The following GABRG1 variants were observed in gnomAD, a reference collection of about 807,000 sequenced individuals.
GABRG1 encodes the protein gamma-aminobutyric acid type A receptor subunit gamma1, also known as gamma-aminobutyric acid receptor subunit gamma-1.
A neutral mutation model predicts 49.8 loss-of-function variants in GABRG1; 49 were observed. The observed-to-expected ratio is 0.98, with a 90% CI of 0.78 to 1.25. The LOEUF (loss-of-function observed/expected upper bound fraction) is 1.25. Among genes scored for constraint, GABRG1 ranks in the 50% most tolerant of loss-of-function variants. The probability of loss-of-function intolerance (pLI) is 0.00; values close to 1 mark genes in which losing one functional copy is unlikely to be tolerated. For missense variants in GABRG1, 552 were observed against 552.3 expected, an observed-to-expected ratio of 1.00 and a Z score of 0.01; for synonymous variants, 232 against 185.1, an observed-to-expected ratio of 1.25 and a Z score of -2.06.
Position 46,106,431 on chromosome 4 carries a change from T to C in GABRG1, c.105-9082A>G, listed in dbSNP as rs572277991. Among the ~76,000 whole-genome samples the C allele has an allele frequency of 9.6e-4, 146 of 151,460 alleles. 1 individual carries two copies. The highest frequency in any genetic ancestry group is 2.0e-3 in the Non-Finnish European group (133 of 67,632). ...ATTTTGTAATTTAAAATGAAAAAAA[T>C]CTTATACAACAAAAGACTTTGACAA... On this transcript the variant is annotated intron_variant, in intron 1 of 8. Transcript: ENST00000295452.
At chr4:46,093,032 G>A (rs1337428838) in intron 2 of GABRG1, among the ~76,000 whole-genome samples, 1 of 140,316 alleles carries the variant, frequency 7.1e-6, no homozygotes, top group African/African-American at 2.7e-5. Context: ...TTGCACCATT[G>A]TACTCCAGCC....
chr4:46,097,146 C>T (rs1720190146), intron 2 of GABRG1, 55 bp downstream of exon 2: 2 of 1,381,198 alleles, frequency 1.4e-6, no homozygotes, highest in Non-Finnish European at 2.0e-6. Context: ...AAAATAGTAC[C>T]AGTAATGATA....
chr4:46,077,750 A>G (rs542359534), intron 3 of GABRG1, among the ~76,000 whole-genome samples: 1 of 151,876 alleles, frequency 6.6e-6, no homozygotes, highest in Non-Finnish European at 1.5e-5. Flanking sequence ...CAATGAACCA[A>G]TTGTCACTAT....
At position 46,040,177 on chromosome 4, in the gene GABRG1, T is replaced by C. The variant is rs544950159; in HGVS notation, c.*811A>G. ...TCTCTCTGCATTTAATTTGCATTAATGTGCATTTGCAGATTTTAATATTTC... is the reference window on the plus strand; with the variant it reads ...TCTCTCTGCATTTAATTTGCATTAACGTGCATTTGCAGATTTTAATATTTC... On this transcript the variant is annotated 3_prime_UTR_variant, in exon 9 of 9. Transcript: ENST00000295452. The C allele has an allele frequency of 2.0e-5, 3 of 152,060 alleles. No homozygotes were observed. The highest frequency in any genetic ancestry group is 4.4e-5 in the Non-Finnish European group (3 of 67,890). 9.4% of individuals were successfully genotyped at this position (152,060 alleles called of 1,614,324 possible). A position where few individuals can be genotyped will look rare whatever the true frequency, so the allele number is the denominator to read the frequency against.
intron 1 of GABRG1, among the ~76,000 whole-genome samples, chr4:46,108,862 C>CA (rs779549415): frequency 2.0e-5 from 3 of 150,978 alleles, no homozygotes; most frequent in Non-Finnish European, 4.5e-5. Flanking sequence ...TAAAATTCAT[C>CA]AGGAAGACTC....
chr4:46,116,959 A>C (rs2109444947), intron 1 of GABRG1, among the ~76,000 whole-genome samples: 1 of 150,600 alleles, frequency 6.6e-6, no homozygotes, highest in Admixed American at 6.7e-5. Flanking sequence ...CTGGAAAATT[A>C]ATATTATAAT....
intron 1 of GABRG1, among the ~76,000 whole-genome samples, chr4:46,103,326 C>T (rs371598003): frequency 9.9e-5 from 15 of 151,472 alleles, no homozygotes; most frequent in East Asian, 9.8e-4. Context: ...ATGATAATTG[C>T]TACTTGTACT....
chr4:46,117,576 C>G (rs930784347), intron 1 of GABRG1, among the ~76,000 whole-genome samples: 1 of 141,546 alleles, frequency 7.1e-6, no homozygotes. Flanking sequence ...CTCTCTCTCT[C>G]TCTCTGTCTC....
At chr4:46,112,304 G>T (rs1158210916) in intron 1 of GABRG1, among the ~76,000 whole-genome samples, 1 of 151,118 alleles carries the variant, frequency 6.6e-6, no homozygotes, top group Non-Finnish European at 1.5e-5. Flanking sequence ...ACACCAATCA[G>T]AATGACTATT....
intron 2 of GABRG1, among the ~76,000 whole-genome samples, chr4:46,088,187 T>C (rs1348293491): frequency 6.6e-6 from 1 of 152,044 alleles, no homozygotes; most frequent in African/African-American, 2.4e-5. Flanking sequence ...CAGCTGTTTG[T>C]GTTCGTCACA....
At chr4:46,048,893 A>T (rs1221370581) in intron 8 of GABRG1, among the ~76,000 whole-genome samples, 1 of 151,270 alleles carries the variant, frequency 6.6e-6, no homozygotes, top group African/African-American at 2.4e-5. Context: ...TATCTCTTCC[A>T]AAAAAAACTG....
Position 46,036,762 on chromosome 4 carries a change from A to C in GABRG1, c.*4226T>G, listed in dbSNP as rs930183051. On this transcript the variant is annotated 3_prime_UTR_variant, in exon 9 of 9. Transcript: ENST00000295452. ...CTGGCTTGTTATATTCCAAACCATC[A>C]CACACAAATAAGATGAAACTTCTGC... is the stretch of plus-strand genomic sequence containing the variant. The C allele has an allele frequency of 6.6e-6, 1 of 151,980 alleles. No homozygotes were observed. The highest frequency in any genetic ancestry group is 2.1e-4 in the South Asian group (1 of 4,826). 9.4% of individuals were successfully genotyped at this position (151,980 alleles called of 1,614,324 possible). A position where few individuals can be genotyped will look rare whatever the true frequency, so the allele number is the denominator to read the frequency against.
At chr4:46,053,164 A>G (rs1303368351) in intron 7 of GABRG1, among the ~76,000 whole-genome samples, 1 of 151,830 alleles carries the variant, frequency 6.6e-6, no homozygotes, top group Non-Finnish European at 1.5e-5. Flanking sequence ...CCAAATATAC[A>G]AGGCCATTGT....
At chr4:46,082,866 G>C (rs996757613) in intron 3 of GABRG1, among the ~76,000 whole-genome samples, 1 of 151,466 alleles carries the variant, frequency 6.6e-6, no homozygotes, top group Non-Finnish European at 1.5e-5. Flanking sequence ...TACACCATCT[G>C]GTCCTCAGAT....
intron 3 of GABRG1, among the ~76,000 whole-genome samples, chr4:46,067,986 G>A (rs1448406817): frequency 4.6e-5 from 7 of 152,076 alleles, no homozygotes; most frequent in Admixed American, 4.6e-4. Flanking sequence ...CTGCCTGCCT[G>A]TGTCTCAGGC....
At chr4:46,102,801 G>A (rs1331909430) in intron 1 of GABRG1, among the ~76,000 whole-genome samples, 3 of 151,556 alleles carry the variant, frequency 2.0e-5, no homozygotes, top group Non-Finnish European at 4.4e-5. Context: ...TAACAAACAA[G>A]AGTTTCAAAA....
At chr4:46,060,474 T>C (rs1204218615) in intron 5 of GABRG1, among the ~76,000 whole-genome samples, 1 of 152,182 alleles carries the variant, frequency 6.6e-6, no homozygotes, top group African/African-American at 2.4e-5. Context: ...ACAGTTTTCA[T>C]GTAGATGTTT....
intron 8 of GABRG1, among the ~76,000 whole-genome samples, chr4:46,050,866 T>C (rs1341027599): frequency 6.6e-6 from 1 of 151,838 alleles, no homozygotes; most frequent in Non-Finnish European, 1.5e-5. Flanking sequence ...ATTGATAATA[T>C]AAAACATAAT....
chr4:46,095,423 AT>A (rs1720133975), intron 2 of GABRG1, among the ~76,000 whole-genome samples: 1 of 151,832 alleles, frequency 6.6e-6, no homozygotes. Context: ...TTTGAAAAAA[AT>A]GTATCAATGT....
Sources: allele counts gnomAD v4.1 joint callset (sites outside exome capture counted in the v4.1 genomes callset), GRCh38; gene constraint gnomAD v4.1.1; transcripts MANE v1.5; gene names NCBI Gene and HGNC (gene_info 2026-07-23, HGNC 2026-07-21).